Variants in EIF3M observed in about 807,000 individuals in gnomAD.
EIF3M encodes eukaryotic translation initiation factor 3 subunit M, also known as B5 receptor.
A neutral mutation model predicts 49.7 loss-of-function variants in EIF3M; 25 were observed. The observed-to-expected ratio is 0.50, with a 90% CI of 0.37 to 0.70. The LOEUF is 0.70. Ranked by LOEUF, EIF3M falls within the 30% of genes least tolerant of loss-of-function variation. The pLI is 0.00. For synonymous variants in EIF3M, 156 were observed against 149.8 expected (o/e 1.04, Z -0.30); for missense variants, 350 against 440.0 (o/e 0.80, Z 1.83).
intron 1 of EIF3M, among the ~76,000 whole-genome samples, chr11:32,584,998 G>T (rs1854972654): frequency 6.6e-6 from 1 of 152,210 alleles, no homozygotes; most frequent in Non-Finnish European, 1.5e-5. Context: ...TAACACGGAA[G>T]TAACTTCCAA....
At chr11:32,593,402 C>G (rs1855131036) in intron 5 of EIF3M, among the ~76,000 whole-genome samples, 1 of 152,196 alleles carries the variant, frequency 6.6e-6, no homozygotes, top group African/African-American at 2.4e-5. Flanking sequence ...TTCAGCCATA[C>G]TGTCCTAACA....
chr11:32,597,222 T>C (rs1350544588), intron 8 of EIF3M, among the ~76,000 whole-genome samples: 1 of 152,260 alleles, frequency 6.6e-6, no homozygotes, highest in Non-Finnish European at 1.5e-5. Context: ...CTAAACATTA[T>C]TCTTAAAATA....
intron 1 of EIF3M, among the ~76,000 whole-genome samples, chr11:32,585,679 G>A (rs1242505480): frequency 6.6e-6 from 1 of 152,136 alleles, no homozygotes; most frequent in African/African-American, 2.4e-5. Context: ...CTGACATGGT[G>A]ACAGTTTGTT....
intron 5 of EIF3M, 197 bp from the exon 6 acceptor site, chr11:32,593,669 A>G (rs1050874047): frequency 2.4e-5 from 9 of 376,328 alleles, no homozygotes; most frequent in African/African-American, 1.7e-4. Context: ...CCTTCATAGC[A>G]CTTATTAGTT....
At chr11:32,595,624 C>A (rs1446135582) in intron 7 of EIF3M, among the ~76,000 whole-genome samples, 1 of 152,168 alleles carries the variant, frequency 6.6e-6, no homozygotes, top group Non-Finnish European at 1.5e-5. Flanking sequence ...TTGTTCCTAG[C>A]CCCACTTAGG....
intron 9 of EIF3M, 140 bp downstream of exon 9, chr11:32,600,972 A>G: frequency 1.8e-6 from 2 of 1,102,594 alleles, no homozygotes; most frequent in Non-Finnish European, 2.5e-6. Context: ...AGATTAGTGG[A>G]TATATTTGTT....
intron 8 of EIF3M, among the ~76,000 whole-genome samples, chr11:32,598,441 T>C (rs1406747195): frequency 6.6e-6 from 1 of 152,162 alleles, no homozygotes; most frequent in Non-Finnish European, 1.5e-5. Context: ...ACTTCCTCTT[T>C]GATGGTAGTA....
At chr11:32,586,161 A>C (rs1416053502) in intron 1 of EIF3M, among the ~76,000 whole-genome samples, 1 of 152,158 alleles carries the variant, frequency 6.6e-6, no homozygotes, top group Non-Finnish European at 1.5e-5. Flanking sequence ...CCCCGGAGGC[A>C]GAGGTTGCAG....
chr11:32,596,008 A>G lies in EIF3M; in HGVS notation c.760A>G (p.Lys254Glu), dbSNP rs1277150640. Residue 254 changes from lysine to glutamate, a missense_variant, in exon 8 of 11, where the codon AAG (lysine) becomes GAG (glutamate). Coordinates refer to ENST00000531120, the MANE Select transcript of EIF3M (RefSeq NM_006360.6). ...GAGTGCTAAATTGGCATCATATGTC[A>G]AGTTTTATCAGAATAATAAAGACTT... is the stretch of plus-strand genomic sequence containing the variant. ...FVSAKLASYVKFYQNNKDFID... is the reference protein window; with the variant it reads ...FVSAKLASYVEFYQNNKDFID... The G allele has an allele frequency of 1.0e-5, 16 of 1,561,618 alleles. No individual in the cohort carries two copies. Among genetic ancestry groups the G allele is most frequent in the Non-Finnish European group, 1.4e-5 (16 of 1,163,548 alleles).
intron 8 of EIF3M, among the ~76,000 whole-genome samples, chr11:32,597,577 A>C (rs528448712): frequency 2.6e-5 from 4 of 152,340 alleles, no homozygotes; most frequent in African/African-American, 9.6e-5. Context: ...ATCAAATCTT[A>C]TTCATCCTTA....
chr11:32,602,084 C>A, intron 10 of EIF3M, 195 bp from the exon 11 acceptor site: 1 of 965,054 alleles, frequency 1.0e-6, no homozygotes. Context: ...TATAGTTGCT[C>A]AGGAGAATTA....
rs768676218 is a variant in EIF3M, at chr11:32,603,038, A to G, written c.*639A>G. 2 of 1,558,772 alleles carry G rather than the reference A, an allele frequency of 1.3e-6. No homozygotes were observed. Among genetic ancestry groups the G allele is most frequent in the Non-Finnish European group, 8.7e-7 (1 of 1,149,910 alleles). ...GTTTTCACCTGGGAAAGATAAACTA[A>G]TTTTACCTTCGAAATTATTATACAA... On this transcript the variant is annotated 3_prime_UTR_variant, in exon 11 of 11. Coordinates refer to ENST00000531120, the MANE Select transcript of EIF3M (RefSeq NM_006360.6).
intron 7 of EIF3M, among the ~76,000 whole-genome samples, chr11:32,595,386 G>A (rs1855164501): frequency 6.6e-6 from 1 of 151,990 alleles, no homozygotes; most frequent in South Asian, 2.1e-4. Flanking sequence ...CATGCCATCA[G>A]GCCCAGCTAA....
chr11:32,587,214 C>G (rs1014365069), intron 2 of EIF3M, 70 bp downstream of exon 2: 4 of 1,433,786 alleles, frequency 2.8e-6, no homozygotes, highest in Non-Finnish European at 3.7e-6. Flanking sequence ...ATTATAGAGT[C>G]GTCCCTCATT....
At chr11:32,588,513 A>G in intron 2 of EIF3M, 81 bp from the exon 3 acceptor site, 6 of 1,521,196 alleles carry the variant, frequency 3.9e-6, no homozygotes, top group Non-Finnish European at 4.5e-6. Context: ...TCATTGTATT[A>G]AAACACTGGA....
chr11:32,586,946 A>G, intron 1 of EIF3M, 66 bp from the exon 2 acceptor site: 1 of 1,474,680 alleles, frequency 6.8e-7, no homozygotes, highest in Non-Finnish European at 9.1e-7. Context: ...TTTCAGAAAG[A>G]GGACAGAATT....
In EIF3M at chr11:32,601,875, A is replaced by G; in HGVS notation, c.1004+53A>G. The G allele has an allele frequency of 3.8e-6, 6 of 1,569,922 alleles. No homozygotes were observed. In the Admixed American group the frequency reaches 1.0e-4, roughly 27 times the overall value. The stretch of plus-strand genomic sequence containing the variant: ...TTATAGAACGATTTAGTTTGTTCCG[A>G]TTATTTCACTTAAATGTTTAGAGAA... On this transcript the variant is annotated intron_variant, in intron 10 of 10. Transcript: ENST00000531120.
chr11:32,592,979 A>T (rs535543602), intron 5 of EIF3M, among the ~76,000 whole-genome samples: 92 of 152,362 alleles, frequency 6.0e-4, no homozygotes, highest in Non-Finnish European at 8.8e-4. Flanking sequence ...TACATTTAAG[A>T]TGCGGGTTAC....
chr11:32,591,271 C>T (rs529534766), intron 5 of EIF3M, among the ~76,000 whole-genome samples: 1 of 152,186 alleles, frequency 6.6e-6, no homozygotes, highest in Non-Finnish European at 1.5e-5. Context: ...ACTGTAGTTG[C>T]TAAAACTGGA....
Sources: allele counts gnomAD v4.1 joint callset (sites outside exome capture counted in the v4.1 genomes callset), GRCh38; gene constraint gnomAD v4.1.1; transcripts MANE v1.5; gene names NCBI Gene and HGNC (gene_info 2026-07-23, HGNC 2026-07-21).